GINS1: variants seen among roughly 807,000 people sequenced by gnomAD.
GINS1 encodes GINS complex subunit 1, also known as DNA replication complex GINS protein PSF1.
GINS1 carries 26 observed loss-of-function variants against 34.9 expected under a neutral mutation model. The observed-to-expected ratio is 0.74, with a 90% CI of 0.55 to 1.03. The LOEUF is 1.03. Ranked by LOEUF, GINS1 falls within the 50% of genes least tolerant of loss-of-function variation. GINS1 has a pLI of 0.00. For missense variants in GINS1, 235 were observed against 237.9 expected (o/e 0.99, Z 0.08); for synonymous variants, 97 against 84.4 (o/e 1.15, Z -0.82).
intron 6 of GINS1, chr20:25,442,975 C>A (rs2090491016): frequency 6.6e-6 from 1 of 152,110 alleles, no homozygotes. Flanking sequence ...AAAAGCTGTT[C>A]TCTTTCTTTC....
At chr20:25,409,126 C>A in intron 1 of GINS1, 1 of 655,924 alleles carries the variant, frequency 1.5e-6, no homozygotes, top group Non-Finnish European at 1.9e-6. Context: ...CGTGGTCACA[C>A]TGGAGAGGGT....
At chr20:25,409,447 G>T (rs1009566493) in intron 1 of GINS1, among the ~76,000 whole-genome samples, 41 of 152,162 alleles carry the variant, frequency 2.7e-4, no homozygotes, top group African/African-American at 9.4e-4. Flanking sequence ...ATGACTTGTA[G>T]CTATTAGAGC....
Position 25,417,132 on chromosome 20 carries a change from G to GAGAAGCTGCCATCAAGT in GINS1, c.170_171insGAAGCTGCCATCAAGTA (p.Asp57GlufsTer8). 1 of 1,583,206 alleles carries GAGAAGCTGCCATCAAGT rather than the reference G, an allele frequency of 6.3e-7. No individual in the cohort carries two copies. Among genetic ancestry groups the GAGAAGCTGCCATCAAGT allele is most frequent in the East Asian group, 2.2e-5 (1 of 44,666 alleles). ...TGAAGCAAAGTCAGGTGGACGAAGT[G>GAGAAGCTGCCATCAAGT]ATTTGATACCAACTATCAAATTTCG... On this transcript the variant is annotated frameshift_variant, in exon 3 of 7. Coordinates refer to ENST00000262460, the MANE Select transcript of GINS1 (RefSeq NM_021067.5). LOFTEE classifies it high-confidence loss of function.
At chr20:25,434,836 A>G (rs1342059890) in intron 5 of GINS1, among the ~76,000 whole-genome samples, 5 of 152,202 alleles carry the variant, frequency 3.3e-5, no homozygotes, top group Admixed American at 6.5e-5. Context: ...TCTGCTTCCA[A>G]TGTGGCGCCT....
At chr20:25,428,826 T>C (rs574134629) in intron 5 of GINS1, among the ~76,000 whole-genome samples, 1 of 152,318 alleles carries the variant, frequency 6.6e-6, no homozygotes, top group East Asian at 1.9e-4. Flanking sequence ...CCTATTCCAT[T>C]GTTCTGTACA....
intron 3 of GINS1, among the ~76,000 whole-genome samples, chr20:25,417,858 C>CA (rs1365032630): frequency 2.6e-5 from 4 of 151,744 alleles, no homozygotes; most frequent in Admixed American, 2.6e-4. Context: ...CTGTCTCAAA[C>CA]AAAAAAAGGC....
At chr20:25,422,912 G>T (rs183029557) in intron 4 of GINS1, among the ~76,000 whole-genome samples, 1 of 151,806 alleles carries the variant, frequency 6.6e-6, no homozygotes, top group African/African-American at 2.4e-5. Flanking sequence ...AGCTATCTGG[G>T]ATTACAGGCA....
At chr20:25,433,052 G>A (rs1224675920) in intron 5 of GINS1, among the ~76,000 whole-genome samples, 1 of 151,804 alleles carries the variant, frequency 6.6e-6, no homozygotes, top group African/African-American at 2.4e-5. Context: ...ATCTATTAAT[G>A]TTTGTGTCTT....
intron 5 of GINS1, among the ~76,000 whole-genome samples, chr20:25,435,664 A>G (rs2090450086): frequency 6.8e-6 from 1 of 146,990 alleles, no homozygotes; most frequent in African/African-American, 2.5e-5. Flanking sequence ...AGGCTGAGGG[A>G]GGAGAATTGC....
intron 1 of GINS1, among the ~76,000 whole-genome samples, chr20:25,411,803 C>T (rs1027758984): frequency 3.9e-5 from 6 of 151,986 alleles, no homozygotes; most frequent in African/African-American, 9.7e-5. Flanking sequence ...ATTAGCTGGA[C>T]GTGATGGGCA....
At chr20:25,434,470 G>A (rs2090443548) in intron 5 of GINS1, among the ~76,000 whole-genome samples, 2 of 150,888 alleles carry the variant, frequency 1.3e-5, no homozygotes, top group South Asian at 4.2e-4. Flanking sequence ...AAGAGACAAG[G>A]TCTTGCTCTG....
intron 2 of GINS1, among the ~76,000 whole-genome samples, chr20:25,414,508 CTGGACAT>C (rs2090308030): frequency 1.3e-5 from 2 of 152,012 alleles, no homozygotes; most frequent in African/African-American, 4.8e-5. Flanking sequence ...GGCCAGGAGC[CTGGACAT>C]ATAGCAGGAC....
intron 1 of GINS1, 103 bp downstream of exon 1, chr20:25,407,998 C>A: frequency 1.2e-6 from 1 of 804,436 alleles, no homozygotes; most frequent in Non-Finnish European, 2.1e-6. Context: ...TTGTTCCCTC[C>A]GAGCTCCGGA....
intron 5 of GINS1, among the ~76,000 whole-genome samples, chr20:25,426,212 T>A (rs1380588641): frequency 6.6e-6 from 1 of 152,206 alleles, no homozygotes; most frequent in African/African-American, 2.4e-5. Flanking sequence ...ACTGGCTTAT[T>A]TCACTTAGCG....
chr20:25,423,612 C>CTT (rs35923439), intron 4 of GINS1, among the ~76,000 whole-genome samples: 3 of 85,522 alleles, frequency 3.5e-5, no homozygotes, highest in Non-Finnish European at 6.8e-5. Flanking sequence ...TTTCTTCTCT[C>CTT]TTTTTTTTTT....
intron 1 of GINS1, among the ~76,000 whole-genome samples, chr20:25,409,358 G>A (rs375697513): frequency 6.6e-6 from 1 of 152,350 alleles, no homozygotes; most frequent in African/African-American, 2.4e-5. Flanking sequence ...GATAGAGCAG[G>A]TGAGAGGTGT....
intron 2 of GINS1, among the ~76,000 whole-genome samples, chr20:25,414,475 G>A (rs2146191172): frequency 6.6e-6 from 1 of 152,268 alleles, no homozygotes. Context: ...GCTTTGGGAG[G>A]CCAAGGCAAA....
chr20:25,428,394 T>A, intron 5 of GINS1, among the ~76,000 whole-genome samples: 1 of 128,944 alleles, frequency 7.8e-6, no homozygotes, highest in African/African-American at 3.0e-5. Flanking sequence ...CCAAGCATAA[T>A]TTCTTTTTTT....
intron 6 of GINS1, among the ~76,000 whole-genome samples, chr20:25,444,412 G>A (rs1004482556): frequency 1.3e-5 from 2 of 152,128 alleles, no homozygotes; most frequent in Non-Finnish European, 2.9e-5. Flanking sequence ...TTTAATACCA[G>A]CATTAGTATG....
Sources: allele counts gnomAD v4.1 joint callset (sites outside exome capture counted in the v4.1 genomes callset), GRCh38; gene constraint gnomAD v4.1.1; transcripts MANE v1.5; gene names NCBI Gene and HGNC (gene_info 2026-07-23, HGNC 2026-07-21).